Variants in USP4 observed in about 807,000 individuals in gnomAD.
USP4 encodes the protein ubiquitin carboxyl-terminal hydrolase 4.
A neutral mutation model predicts 118.2 loss-of-function variants in USP4; 72 were observed. The ratio of observed to expected loss-of-function variants is 0.61; its 90% confidence interval spans 0.50 to 0.74. The LOEUF (loss-of-function observed/expected upper bound fraction) is 0.74, where lower values mean the gene tolerates loss of function less well. Among genes scored for constraint, USP4 ranks in the 30% least tolerant of loss-of-function variants. USP4 has a pLI of 0.00. For missense variants in USP4, 1,037 were observed against 1,185.7 expected, an observed-to-expected ratio of 0.87 and a Z score of 1.84; for synonymous variants, 415 against 440.4, an observed-to-expected ratio of 0.94 and a Z score of 0.72.
chr3:49,311,303 A>C (rs534558463), intron 7 of USP4, among the ~76,000 whole-genome samples: 1 of 152,134 alleles, frequency 6.6e-6, no homozygotes, highest in East Asian at 1.9e-4. Context: ...CTGTGGGGAA[A>C]ACACCAGCTC....
chr3:49,278,327 C>T lies in USP4; in HGVS notation c.2858G>A (p.Gly953Glu). ...GTCCATGCTGCAAGCCTCATCATCC[C>T]CAAAGCCCTGCTGAGAGCTGCTTGG... ...TRPSSSQQGF[G>E]DDEACSMDTN Residue 953 changes from glycine (G) to glutamate (E), a missense_variant, in exon 22 of 22, where the codon GGG (glycine) becomes GAG (glutamate). By Grantham distance (98) the Gly-to-Glu change is moderately conservative (BLOSUM62 -2). Coordinates refer to ENST00000265560, the MANE Select transcript of USP4 (RefSeq NM_003363.4). 1 of 1,614,068 alleles carries T rather than the reference C, an allele frequency of 6.2e-7. No individual in the cohort carries two copies. Among genetic ancestry groups the T allele is most frequent in the Non-Finnish European group, 8.5e-7 (1 of 1,180,040 alleles).
intron 19 of USP4, among the ~76,000 whole-genome samples, chr3:49,281,476 G>T (rs1403032999): frequency 2.4e-4 from 25 of 105,984 alleles, no homozygotes; most frequent in South Asian, 1.2e-3. Flanking sequence ...AAAAGTATGT[G>T]TATATATATA....
rs966370385 is a variant in USP4, at chr3:49,296,799, G to C, written c.1691+1071C>G. 2.0e-5 allele frequency among the ~76,000 whole-genome samples: 3 copies of C among 152,234 alleles called. No individual in the cohort carries two copies. In the East Asian group the frequency reaches 5.8e-4, roughly 29 times the overall value. ...AATTCCTTTGTTGGTGGTCTGCTAA[G>C]CTCCCCACAGGGTAATCCTCCAGTT... On this transcript the variant is annotated intron_variant, in intron 13 of 21. Coordinates refer to ENST00000265560, the MANE Select transcript of USP4 (RefSeq NM_003363.4).
intron 2 of USP4, among the ~76,000 whole-genome samples, chr3:49,329,303 A>G (rs1488056731): frequency 2.6e-5 from 4 of 152,064 alleles, no homozygotes; most frequent in African/African-American, 9.7e-5. Context: ...TGATGTCTTG[A>G]GCCCGTTGAA....
intron 6 of USP4, chr3:49,317,288 CGT>C: frequency 6.6e-7 from 1 of 1,507,778 alleles, no homozygotes; most frequent in Non-Finnish European, 9.1e-7. Context: ...GCCAGCTTCT[CGT>C]TGACGCAGGC....
intron 9 of USP4, 128 bp from the exon 10 acceptor site, chr3:49,302,670 G>C: frequency 1.1e-6 from 1 of 888,224 alleles, no homozygotes; most frequent in Non-Finnish European, 1.7e-6. Flanking sequence ...TGGTTGAGTA[G>C]TCCAATTAAC....
intron 6 of USP4, among the ~76,000 whole-genome samples, chr3:49,321,359 G>A (rs2047498513): frequency 6.6e-6 from 1 of 152,004 alleles, no homozygotes; most frequent in African/African-American, 2.4e-5. Flanking sequence ...AGTAGTTCTG[G>A]ACATTCTCAT....
rs1338969956 is a variant in USP4 at position 49,335,509 on chromosome 3, G to A, written c.189C>T (p.Asn63=). The change falls in exon 2 of 22, where the codon AAC becomes AAT. Residue 63 remains asparagine, a synonymous_variant. Coordinates refer to ENST00000265560, the MANE Select transcript of USP4 (RefSeq NM_003363.4). Reference sequence around the variant, plus strand: ...AGTTGTCTATTGGGCCAGGAAATAGGTTATGTTCACCCACATTGTACATGT... The same window carrying A: ...AGTTGTCTATTGGGCCAGGAAATAGATTATGTTCACCCACATTGTACATGT... The part of the protein sequence containing the change: ...SWDMYNVGEH[N]LFPGPIDNSG... The A allele has an allele frequency of 1.9e-6, 3 of 1,614,200 alleles. No individual in the cohort carries two copies. The South Asian group carries it at 3.3e-5, about 18-fold the overall frequency.
intron 12 of USP4, 148 bp downstream of exon 12, chr3:49,298,404 G>A: frequency 1.3e-6 from 1 of 751,728 alleles, no homozygotes. Flanking sequence ...AATGTGCATA[G>A]TGAGTGAGGC....
At chr3:49,286,366 C>A in intron 15 of USP4, 41 bp from the exon 16 acceptor site, 1 of 1,585,944 alleles carries the variant, frequency 6.3e-7, no homozygotes, top group Non-Finnish European at 8.6e-7. Context: ...TAATTTCCTA[C>A]CATTTCAATG....
intron 14 of USP4, among the ~76,000 whole-genome samples, chr3:49,293,109 G>A (rs1450140317): frequency 6.6e-6 from 1 of 152,142 alleles, no homozygotes; most frequent in Non-Finnish European, 1.5e-5. Context: ...CAGGCATGGT[G>A]GCTCACACCT....
intron 6 of USP4, chr3:49,317,045 G>A (rs746097050): frequency 3.0e-6 from 3 of 983,992 alleles, no homozygotes; most frequent in African/African-American, 1.6e-5. Flanking sequence ...GGGCTGAGTT[G>A]AGGGGCGCAC....
chr3:49,325,749 T>C lies in USP4; in HGVS notation c.457A>G (p.Ser153Gly), dbSNP rs1379185896. 6.2e-7 allele frequency: 1 copy of C among 1,613,918 alleles called. No individual in the cohort carries two copies. The highest frequency in any genetic ancestry group is 8.5e-7 in the Non-Finnish European group (1 of 1,179,912). ...CENSDPTNVL[S>G]CHFSKADTIA... ...GTGTCTGCCTTGCTGAAATGGCAACTCAGCACATTGGTGGGGTCACTGTTC... is the reference window on the plus strand; with the variant it reads ...GTGTCTGCCTTGCTGAAATGGCAACCCAGCACATTGGTGGGGTCACTGTTC... Residue 153 changes from serine to glycine, a missense_variant, in exon 4 of 22, where the codon AGT (serine) becomes GGT (glycine). By Grantham distance (56) the Ser-to-Gly change is moderately conservative. Coordinates refer to ENST00000265560, the MANE Select transcript of USP4 (RefSeq NM_003363.4).
chr3:49,335,330 C>G (rs1185889013), intron 2 of USP4, 139 bp downstream of exon 2: 3 of 1,206,018 alleles, frequency 2.5e-6, no homozygotes, highest in Non-Finnish European at 3.5e-6. Flanking sequence ...GCAAAGACTT[C>G]TGCTATAGAT....
In USP4 at chr3:49,280,743, C is replaced by G. The variant is rs1377754651; in HGVS notation, c.2644+1G>C. 6.2e-7 allele frequency: 1 copy of G among 1,613,636 alleles called. No individual in the cohort carries two copies. Among genetic ancestry groups the G allele is most frequent in the Non-Finnish European group, 8.5e-7 (1 of 1,179,574 alleles). ...AGAAGGAAGCAGATGTCAATACTTA[C>G]AGTGGCCAACCCCCATGGCTCCATA... On this transcript the variant is annotated splice_donor_variant, in intron 20 of 21. Coordinates refer to ENST00000265560, the MANE Select transcript of USP4 (RefSeq NM_003363.4). LOFTEE classifies it high-confidence loss of function.
At chr3:49,338,081 T>C (rs2047691065) in intron 1 of USP4, among the ~76,000 whole-genome samples, 1 of 145,934 alleles carries the variant, frequency 6.9e-6, no homozygotes, top group Non-Finnish European at 1.5e-5. Context: ...AAAGTATCTC[T>C]ATGCTGTTTT....
chr3:49,285,280 C>T (rs1290694739), intron 16 of USP4, among the ~76,000 whole-genome samples: 5 of 151,544 alleles, frequency 3.3e-5, no homozygotes, highest in Non-Finnish European at 5.9e-5. Flanking sequence ...TTGGATAGAG[C>T]AGGAAGGAGA....
chr3:49,296,593 G>C (rs911324016), intron 13 of USP4, among the ~76,000 whole-genome samples: 1 of 152,188 alleles, frequency 6.6e-6, no homozygotes, highest in Non-Finnish European at 1.5e-5. Flanking sequence ...AGCTTGCAGT[G>C]AGCCGAGATT....
chr3:49,328,130 C>T (rs1488004385), intron 2 of USP4, among the ~76,000 whole-genome samples: 1 of 152,024 alleles, frequency 6.6e-6, no homozygotes, highest in East Asian at 1.9e-4. Context: ...GAGGCTGAGG[C>T]GGTTGGATCA....
Sources: gnomAD v4.1 joint callset for allele counts (sites outside exome capture counted in the v4.1 genomes callset) on GRCh38, gnomAD v4.1.1 for gene constraint, MANE v1.5 for transcripts, NCBI Gene and HGNC (gene_info 2026-07-23, HGNC 2026-07-21) for gene names.